The following VSIG1 variants were observed in gnomAD, a reference collection of about 807,000 sequenced individuals.
VSIG1 encodes the protein V-set and immunoglobulin domain-containing protein 1.
In VSIG1, 11 loss-of-function variants were observed where a neutral mutation model predicts 20.1. The ratio of observed to expected loss-of-function variants is 0.55; its 90% CI spans 0.34 to 0.91. VSIG1 has a LOEUF of 0.91. Among genes scored for constraint, VSIG1 ranks in the 40% least tolerant of loss-of-function variants. The pLI is 0.02. For synonymous variants in VSIG1, 126 were observed against 116.7 expected (o/e 1.08, Z -0.52); for missense variants, 283 against 298.8 (o/e 0.95, Z 0.39).
chrX:108,064,010 G>C (rs113007905), intron 2 of VSIG1, among the ~76,000 whole-genome samples: 131 of 112,330 alleles, frequency 1.2e-3, no homozygotes, highest in African/African-American at 3.8e-3. Flanking sequence ...CAGGATCATG[G>C]GCCAGGCTTT....
intron 1 of VSIG1, among the ~76,000 whole-genome samples, chrX:108,046,495 A>G (rs1406640085): frequency 9.1e-6 from 1 of 109,788 alleles, no homozygotes; most frequent in Non-Finnish European, 1.9e-5. Context: ...CTGTTTCCCT[A>G]TGTGAAGCCT....
intron 2 of VSIG1, among the ~76,000 whole-genome samples, chrX:108,066,168 C>T (rs1358763202): frequency 8.9e-6 from 1 of 111,738 alleles, no homozygotes; most frequent in Non-Finnish European, 1.9e-5. Context: ...AATAAATGAG[C>T]CCTTGTGGCT....
intron 1 of VSIG1, among the ~76,000 whole-genome samples, chrX:108,047,939 T>TATATATATATAC (rs1569287344): frequency 5.9e-5 from 1 of 17,027 alleles, no homozygotes; most frequent in Non-Finnish European, 9.2e-5. Context: ...TATATACACA[T>TATATATATATAC]ATATATATAT....
At chrX:108,072,544 C>T (rs757857291) in intron 3 of VSIG1, 133 bp from the exon 4 acceptor site, 19 of 666,776 alleles carry the variant, frequency 2.8e-5, no homozygotes, top group African/African-American at 2.2e-4. Context: ...TGAGCCACTG[C>T]GCCTGGCCAA....
chrX:108,077,338 T>C lies in VSIG1; in HGVS notation c.1121T>C (p.Val374Ala). 8.3e-7 allele frequency: 1 copy of C among 1,211,983 alleles called. No homozygotes were observed. The highest frequency in any genetic ancestry group is 1.1e-6 in the Non-Finnish European group (1 of 895,575). Reference sequence around the variant, plus strand: ...CCAGAGTCAGAGCCTGGGGTTGTAGTTGAGCCCTTAAGTGAAGATGAAAAG... The same window carrying C: ...CCAGAGTCAGAGCCTGGGGTTGTAGCTGAGCCCTTAAGTGAAGATGAAAAG... ...PEPESEPGVV[V>A]EPLSEDEKGV... is the part of the protein sequence containing the mutation. Residue 374 changes from valine to alanine, a missense_variant, in exon 7 of 7, where the codon GTT becomes GCT. By Grantham distance (64) the Val-to-Ala change is moderately conservative. Coordinates refer to ENST00000217957, the MANE Select transcript of VSIG1 (RefSeq NM_182607.5).
intron 5 of VSIG1, chrX:108,073,808 T>C (rs1351264009): frequency 1.8e-5 from 2 of 112,884 alleles, no homozygotes; most frequent in East Asian, 5.5e-4. Flanking sequence ...AGCTACTATT[T>C]GTGGAGCATG....
intron 5 of VSIG1, chrX:108,073,885 C>T (rs1052843320): frequency 4.5e-5 from 5 of 112,030 alleles, no homozygotes; most frequent in African/African-American, 1.3e-4. Context: ...AGACTATTGT[C>T]GGCCTCATTT....
At chrX:108,063,784 C>A (rs2031076108) in intron 2 of VSIG1, among the ~76,000 whole-genome samples, 1 of 111,389 alleles carries the variant, frequency 9.0e-6, no homozygotes, top group Non-Finnish European at 1.9e-5. Flanking sequence ...GAAAGCAGGG[C>A]AGTCTACCAT....
At chrX:108,045,023 C>T (rs910518638), upstream of VSIG1, 8 of 594,181 alleles carry the variant, frequency 1.3e-5, no homozygotes, top group Non-Finnish European at 2.0e-5. Context: ...TGGCGATGCC[C>T]AGCAGATAAG....
upstream of VSIG1, among the ~76,000 whole-genome samples, chrX:108,040,528 C>T (rs1436738384): frequency 8.9e-6 from 1 of 111,845 alleles, no homozygotes; most frequent in Non-Finnish European, 1.9e-5. Flanking sequence ...AAACTACATA[C>T]CCTTTGATCA....
rs1376488148 is a variant in VSIG1 at position 108,061,540 on chromosome X, G to A, written c.213+3339G>A. 7 of 1,152,264 alleles carry A rather than the reference G, an allele frequency of 6.1e-6. No homozygotes were observed. The Admixed American group carries it at 1.6e-4, about 26-fold the overall frequency. The allele number at this position is 1,152,264 out of a possible 1,213,427, so 95.0% of individuals were successfully genotyped here. The stretch of plus-strand genomic sequence containing the variant: ...AGATGTAGCTGGACCTCTGAGGTAA[G>A]AACACTTATTGGTGTACTACTGGAC... On this transcript the variant is annotated intron_variant, in intron 2 of 6. Coordinates refer to ENST00000217957, the MANE Select transcript of VSIG1 (RefSeq NM_182607.5).
chrX:108,077,535 C>T lies in VSIG1; in HGVS notation c.*154C>T, dbSNP rs2031376528. On this transcript the variant is annotated 3_prime_UTR_variant, in exon 7 of 7. Transcript: ENST00000217957. Reference sequence around the variant, plus strand: ...CTACTATGAATCCAGAATAAACACGCCAAGATAACAGCTAAATCAGCAAGG... The same window carrying T: ...CTACTATGAATCCAGAATAAACACGTCAAGATAACAGCTAAATCAGCAAGG... 2 of 611,972 alleles carry T rather than the reference C, an allele frequency of 3.3e-6. No homozygotes were observed. Among genetic ancestry groups the T allele is most frequent in the Non-Finnish European group, 5.0e-6 (2 of 400,442 alleles). 50.4% of individuals were successfully genotyped at this position (611,972 alleles called of 1,213,427 possible). A position where few individuals can be genotyped will look rare whatever the true frequency, so the allele number is the denominator to read the frequency against.
chrX:108,052,766 T>C (rs1412393917), intron 1 of VSIG1, among the ~76,000 whole-genome samples: 1 of 112,087 alleles, frequency 8.9e-6, no homozygotes, highest in African/African-American at 3.2e-5. Context: ...TAATTATTTG[T>C]TAATTAATTA....
At chrX:108,053,411 G>A (rs1218694306) in intron 1 of VSIG1, among the ~76,000 whole-genome samples, 1 of 111,411 alleles carries the variant, frequency 9.0e-6, no homozygotes, top group Admixed American at 9.5e-5. Context: ...ATTGATATGA[G>A]TAGACTGTTA....
At chrX:108,070,540 A>G (rs901258199) in intron 3 of VSIG1, among the ~76,000 whole-genome samples, 17 of 112,675 alleles carry the variant, frequency 1.5e-4, no homozygotes, top group African/African-American at 4.8e-4. Context: ...GGTTTTTGCC[A>G]TAATTTAGTT....
At chrX:108,076,037 A>T (rs1237115199) in intron 5 of VSIG1, 40 bp from the exon 6 acceptor site, 9 of 1,201,264 alleles carry the variant, frequency 7.5e-6, no homozygotes, top group Non-Finnish European at 9.0e-6. Context: ...TAAAATGACA[A>T]TATATTCCAC....
At chrX:108,024,634 C>T in the VSIG1 span, among the ~76,000 whole-genome samples, 4 of 109,818 alleles carry the variant, frequency 3.6e-5, no homozygotes, top group Admixed American at 9.8e-5. Flanking sequence ...CCACAAGTTT[C>T]GGTTGTTATG....
intron 2 of VSIG1, among the ~76,000 whole-genome samples, chrX:108,062,945 C>A (rs968509918): frequency 7.9e-4 from 89 of 112,458 alleles, no homozygotes; most frequent in African/African-American, 2.8e-3. Flanking sequence ...AGACTGAATT[C>A]TTTCAACCCT....
intron 1 of VSIG1, among the ~76,000 whole-genome samples, chrX:108,047,784 C>A (rs1408714139): frequency 1.6e-3 from 100 of 64,280 alleles, no homozygotes; most frequent in South Asian, 3.6e-3. Context: ...CTCTCTCTCT[C>A]TCTCTCTATA....
Sources: allele counts gnomAD v4.1 joint callset (sites outside exome capture counted in the v4.1 genomes callset), GRCh38; gene constraint gnomAD v4.1.1; transcripts MANE v1.5; gene names NCBI Gene and HGNC (gene_info 2026-07-23, HGNC 2026-07-21).